Variants in WDR43 observed in about 807,000 individuals in gnomAD.
The protein encoded by WDR43 is WD repeat domain 43.
In WDR43, 13 loss-of-function variants were observed where a neutral mutation model predicts 91.4. That is an observed-to-expected ratio of 0.14 (90% CI 0.09 to 0.23). WDR43 has a LOEUF of 0.23. Among genes scored for constraint, WDR43 ranks in the 10% least tolerant of loss-of-function variants. WDR43 has a pLI of 1.00. For missense variants in WDR43, 780 were observed against 809.4 expected, an observed-to-expected ratio of 0.96 and a Z score of 0.44; for synonymous variants, 331 against 287.9, an observed-to-expected ratio of 1.15 and a Z score of -1.51.
rs758424735 is a variant in WDR43 at position 28,912,571 on chromosome 2, T to G, written c.486-19T>G. On this transcript the variant is annotated intron_variant, in intron 3 of 17. Transcript: ENST00000407426. ...TTCTCTCATGTATTGAGATGCTTTT[T>G]TTTCTCTTCACAATATAGCAAATGG... The G allele has an allele frequency of 1.2e-6, 2 of 1,605,328 alleles. No individual in the cohort carries two copies. Among genetic ancestry groups the G allele is most frequent in the Non-Finnish European group, 1.7e-6 (2 of 1,176,356 alleles).
intron 2 of WDR43, among the ~76,000 whole-genome samples, chr2:28,904,783 A>T (rs1670646616): frequency 6.6e-6 from 1 of 152,250 alleles, no homozygotes; most frequent in South Asian, 2.1e-4. Context: ...TTTCTTTTGA[A>T]GTGGTAACAA....
At chr2:28,925,232 A>C in intron 8 of WDR43, 79 bp downstream of exon 8, 1 of 1,270,262 alleles carries the variant, frequency 7.9e-7, no homozygotes, top group Non-Finnish European at 1.0e-6. Context: ...AAATAACAAC[A>C]TTGGTCTTTA....
At chr2:28,907,394 G>A (rs1215341878) in intron 3 of WDR43, among the ~76,000 whole-genome samples, 1 of 150,870 alleles carries the variant, frequency 6.6e-6, no homozygotes, top group Non-Finnish European at 1.5e-5. Flanking sequence ...AGGCCAAGGT[G>A]GGAGGATTGC....
intron 11 of WDR43, among the ~76,000 whole-genome samples, chr2:28,933,230 T>G (rs980481423): frequency 1.3e-5 from 2 of 152,176 alleles, no homozygotes; most frequent in Admixed American, 6.5e-5. Flanking sequence ...ATCACCCAGT[T>G]GATTTCAAAA....
At chr2:28,897,164 G>A (rs6721781) in intron 1 of WDR43, among the ~76,000 whole-genome samples, 40,412 of 152,016 alleles carry the variant, frequency 0.27, 6,544 homozygotes, top group East Asian at 0.77. Context: ...CTTTGAGGGT[G>A]TGTCCTCTTG....
chr2:28,939,693 AT>A (rs970564341), intron 14 of WDR43, among the ~76,000 whole-genome samples: 2 of 152,372 alleles, frequency 1.3e-5, no homozygotes, highest in African/African-American at 4.8e-5. Flanking sequence ...TTGGAATGCA[AT>A]GACCTTAAAC....
chr2:28,929,800 A>T lies in WDR43; in HGVS notation c.1437+90A>T, dbSNP rs1299253589. The T allele has an allele frequency of 1.1e-5, 15 of 1,331,670 alleles. No individual in the cohort carries two copies. In the East Asian group the frequency reaches 3.4e-4, roughly 30 times the overall value. The allele number at this position is 1,331,670 out of a possible 1,614,324, so 82.5% of individuals were successfully genotyped here. On this transcript the variant is annotated intron_variant, in intron 11 of 17. Transcript: ENST00000407426. ...AGCACATTCACAGCTGTGAGCCATCATGTTACAGAGCCATTTGGAATGTAA... is the reference window on the plus strand; with the variant it reads ...AGCACATTCACAGCTGTGAGCCATCTTGTTACAGAGCCATTTGGAATGTAA...
chr2:28,900,222 CTG>C (rs1414161019), intron 1 of WDR43, among the ~76,000 whole-genome samples: 3 of 152,162 alleles, frequency 2.0e-5, no homozygotes, highest in African/African-American at 7.2e-5. Context: ...AGATGAGTCT[CTG>C]TCGCCCAGGC....
intron 3 of WDR43, among the ~76,000 whole-genome samples, chr2:28,912,221 G>C (rs142199973): frequency 0.012 from 1,819 of 152,256 alleles, 16 homozygotes; most frequent in Non-Finnish European, 0.016. Flanking sequence ...ATGGGCTTGG[G>C]GAGGTCTAGC....
intron 6 of WDR43, among the ~76,000 whole-genome samples, chr2:28,920,224 C>CTTTCT (rs1558375948): frequency 9.3e-6 from 1 of 108,072 alleles, no homozygotes. Context: ...TTTTTTCTTT[C>CTTTCT]TTTTTTTTTT....
At chr2:28,938,412 A>G (rs539599385) in intron 14 of WDR43, among the ~76,000 whole-genome samples, 38 of 152,186 alleles carry the variant, frequency 2.5e-4, no homozygotes, top group African/African-American at 9.2e-4. Flanking sequence ...AATATTTGCT[A>G]CCTGACAATT....
intron 5 of WDR43, among the ~76,000 whole-genome samples, chr2:28,914,807 T>C (rs1447036469): frequency 1.3e-5 from 2 of 152,144 alleles, no homozygotes; most frequent in African/African-American, 2.4e-5. Flanking sequence ...CGCACGCCTG[T>C]AGTCCCAGCT....
intron 1 of WDR43, among the ~76,000 whole-genome samples, chr2:28,900,121 C>T (rs1051981312): frequency 6.6e-6 from 1 of 152,108 alleles, no homozygotes; most frequent in Non-Finnish European, 1.5e-5. Context: ...TTTCACACAT[C>T]GAGAAACTTC....
intron 17 of WDR43, 35 bp downstream of exon 17, chr2:28,946,534 T>A: frequency 6.2e-7 from 1 of 1,601,156 alleles, no homozygotes; most frequent in South Asian, 1.1e-5. Context: ...ACATCGGCCT[T>A]TATATCCTCA....
At chr2:28,911,939 T>A (rs919302761) in intron 3 of WDR43, among the ~76,000 whole-genome samples, 2 of 152,184 alleles carry the variant, frequency 1.3e-5, no homozygotes, top group Non-Finnish European at 2.9e-5. Flanking sequence ...TGTTACTTCT[T>A]ATAAGTGAAT....
intron 3 of WDR43, among the ~76,000 whole-genome samples, chr2:28,906,831 A>C (rs748404685): frequency 3.9e-5 from 6 of 152,194 alleles, no homozygotes; most frequent in Non-Finnish European, 8.8e-5. Flanking sequence ...AGCCGAGTAC[A>C]GTAGTGTTGG....
At chr2:28,915,340 G>T (rs959228849) in intron 5 of WDR43, among the ~76,000 whole-genome samples, 11 of 152,100 alleles carry the variant, frequency 7.2e-5, no homozygotes, top group African/African-American at 1.2e-4. Context: ...GTTTTAGAGG[G>T]TCTAACAATT....
In WDR43 at chr2:28,917,893, G is replaced by T; in HGVS notation, c.747G>T (p.Trp249Cys). Residue 249 changes from tryptophan (W) to cysteine (C), a missense_variant and splice_region_variant, in exon 6 of 18, where the codon TGG becomes TGT. Trp to Cys is a radical substitution (Grantham distance 215). This residue lies in a region of WDR43 where 174 missense variants were observed against 207.3 expected (regional missense o/e 0.84). Coordinates refer to ENST00000407426, the MANE Select transcript of WDR43 (RefSeq NM_015131.3). ...CTAACTTGCTGGTTTTGTTATCTAG[G>T]CAGGTCCGATCAGAAAACAAAGAAA... The part of the protein sequence containing the change: ...GAVHDRLLNV[W>C]QVRSENKEKS... The T allele has an allele frequency of 6.4e-7, 1 of 1,573,806 alleles. No homozygotes were observed.
intron 1 of WDR43, among the ~76,000 whole-genome samples, chr2:28,897,874 T>G (rs775934346): frequency 6.6e-6 from 1 of 152,214 alleles, no homozygotes; most frequent in Non-Finnish European, 1.5e-5. Flanking sequence ...GTACGTTATG[T>G]AGCTGAGCAT....
Sources: allele counts gnomAD v4.1 joint callset (sites outside exome capture counted in the v4.1 genomes callset), GRCh38; gene constraint gnomAD v4.1.1; regional missense constraint gnomAD v4.1.1; transcripts MANE v1.5; gene names NCBI Gene and HGNC (gene_info 2026-07-23, HGNC 2026-07-21).